Variants in DMD observed in about 807,000 individuals in gnomAD.
The protein encoded by DMD is dystrophin, also known as mutant dystrophin.
In DMD, 63 loss-of-function variants were observed where a neutral mutation model predicts 330.1. That is an observed-to-expected ratio of 0.19 (90% CI 0.16 to 0.24). DMD has a LOEUF of 0.24. Among genes scored for constraint, DMD ranks in the 10% least tolerant of loss-of-function variants. The probability of loss-of-function intolerance (pLI) is 1.00; values close to 1 mark genes in which losing one functional copy is unlikely to be tolerated. For missense variants in DMD, 3,344 were observed against 2,684.1 expected, an observed-to-expected ratio of 1.25 and a Z score of -5.43; for synonymous variants, 1,223 against 959.8, an observed-to-expected ratio of 1.27 and a Z score of -5.07.
intron 47 of DMD, among the ~76,000 whole-genome samples, chrX:31,924,655 G>T (rs1318037152): frequency 9.0e-6 from 1 of 111,306 alleles, no homozygotes; most frequent in Non-Finnish European, 1.9e-5. Context: ...CCATATTAAA[G>T]GTTTGTTATA....
In DMD at chrX:33,168,397, T is replaced by G. The variant is rs56271631; in HGVS notation, c.31+42885A>C. Reference sequence around the variant, plus strand: ...GGGATTGTAGTGGGCTCAGGTGTTTTGTTGACCTTTGAATTATTAGCCATA... The same window carrying G: ...GGGATTGTAGTGGGCTCAGGTGTTTGGTTGACCTTTGAATTATTAGCCATA... On this transcript the variant is annotated intron_variant, in intron 1 of 78. Transcript: ENST00000357033. 9.0e-3 allele frequency among the ~76,000 whole-genome samples: 990 copies of G among 110,441 alleles called. 8 individuals carry two copies. Among genetic ancestry groups the G allele is most frequent in the African/African-American group, 0.031 (940 of 30,516 alleles).
At chrX:31,213,732 T>A (rs919155510) in intron 64 of DMD, among the ~76,000 whole-genome samples, 1 of 112,161 alleles carries the variant, frequency 8.9e-6, no homozygotes, top group African/African-American at 3.2e-5. Flanking sequence ...TCTTTAGCAA[T>A]TGAACCCTGT....
intron 44 of DMD, among the ~76,000 whole-genome samples, chrX:32,023,504 A>C (rs2095822915): frequency 8.9e-6 from 1 of 112,065 alleles, no homozygotes; most frequent in Non-Finnish European, 1.9e-5. Flanking sequence ...AAAACAGAAA[A>C]GCAAAAAATA....
At chrX:33,334,142 T>C (rs1232721066) in intron 1 of DMD, among the ~76,000 whole-genome samples, 1 of 111,581 alleles carries the variant, frequency 9.0e-6, no homozygotes, top group East Asian at 2.8e-4. Context: ...AGGCAGATAT[T>C]ATATATAAGT....
chrX:32,572,383 CA>C (rs969338473), intron 15 of DMD, among the ~76,000 whole-genome samples: 6 of 111,077 alleles, frequency 5.4e-5, no homozygotes, highest in Admixed American at 1.9e-4. Flanking sequence ...TACTTACAAC[CA>C]TTTTGTTTTA....
At chrX:32,987,924 A>C (rs1042341522) in intron 2 of DMD, among the ~76,000 whole-genome samples, 25 of 110,502 alleles carry the variant, frequency 2.3e-4, no homozygotes, top group Admixed American at 2.3e-3. Flanking sequence ...AATGGTAAAA[A>C]TTATAAAATG....
At chrX:33,048,694 TAAAAAAAAAAAAAAAA>T (rs748856962) in intron 1 of DMD, among the ~76,000 whole-genome samples, 1 of 35,618 alleles carries the variant, frequency 2.8e-5, no homozygotes, top group African/African-American at 1.4e-4. Flanking sequence ...ACTCCCCATC[TAAAAAAAAAAAAAAAA>T]AAAAAAAAGG....
chrX:33,295,941 G>A (rs1029463288), intron 1 of DMD, among the ~76,000 whole-genome samples: 5 of 111,501 alleles, frequency 4.5e-5, no homozygotes, highest in East Asian at 5.6e-4. Context: ...TGGGGGATGA[G>A]CTAATATGTG....
intron 2 of DMD, among the ~76,000 whole-genome samples, chrX:32,981,348 T>A (rs1459192746): frequency 4.5e-5 from 5 of 111,817 alleles, no homozygotes; most frequent in Non-Finnish European, 7.5e-5. Flanking sequence ...CATTCAATCT[T>A]TTCCAAAGCC....
rs1161436807 is a variant in DMD, at chrX:33,164,108, C to G, written c.31+47174G>C. ...CTTTGAAGTTGCAAATTGTTATAGACCAAGGCTGGTTCATGCCCATAAAGG... is the reference window on the plus strand; with the variant it reads ...CTTTGAAGTTGCAAATTGTTATAGAGCAAGGCTGGTTCATGCCCATAAAGG... On this transcript the variant is annotated intron_variant, in intron 1 of 78. Transcript: ENST00000357033. Among the ~76,000 whole-genome samples, 3 of 110,812 alleles carry G rather than the reference C, an allele frequency of 2.7e-5. No individual in the cohort carries two copies. The East Asian group carries it at 8.5e-4, about 31-fold the overall frequency.
At chrX:32,343,769 A>G (rs2097755368) in intron 39 of DMD, among the ~76,000 whole-genome samples, 1 of 112,166 alleles carries the variant, frequency 8.9e-6, no homozygotes, top group Admixed American at 9.4e-5. Context: ...AGAAATGCCT[A>G]CATAAGAGTT....
intron 44 of DMD, among the ~76,000 whole-genome samples, chrX:32,044,134 T>G (rs1384097641): frequency 9.0e-6 from 1 of 111,510 alleles, no homozygotes; most frequent in Non-Finnish European, 1.9e-5. Context: ...AATTTTGAGC[T>G]TTCAACACTA....
At chrX:32,787,078 T>G in intron 7 of DMD, among the ~76,000 whole-genome samples, 1 of 111,377 alleles carries the variant, frequency 9.0e-6, no homozygotes, top group Non-Finnish European at 1.9e-5. Flanking sequence ...AACCTAGTTA[T>G]ACTTTTGCAA....
chrX:31,923,366 GA>G (rs1402187729), intron 47 of DMD, among the ~76,000 whole-genome samples: 2 of 111,499 alleles, frequency 1.8e-5, no homozygotes, highest in African/African-American at 6.5e-5. Context: ...TTAAATAAGG[GA>G]AGGGTGGGAA....
At chrX:32,930,631 C>T (rs1204975290) in intron 2 of DMD, among the ~76,000 whole-genome samples, 7 of 110,553 alleles carry the variant, frequency 6.3e-5, no homozygotes, top group Admixed American at 2.0e-4. Flanking sequence ...CATTGTCCTT[C>T]CCAGATACTA....
chrX:32,685,201 T>C (rs754873279), intron 9 of DMD, among the ~76,000 whole-genome samples: 5 of 111,606 alleles, frequency 4.5e-5, no homozygotes, highest in Admixed American at 9.6e-5. Flanking sequence ...AAAATGACTT[T>C]AATCACCTAG....
At chrX:31,593,714 C>A (rs2076981639) in intron 55 of DMD, among the ~76,000 whole-genome samples, 1 of 110,010 alleles carries the variant, frequency 9.1e-6, no homozygotes, top group Admixed American at 9.7e-5. Context: ...GCCCTCAAAC[C>A]AAGCATGTAA....
At chrX:32,324,660 G>T (rs1297539508) in intron 41 of DMD, among the ~76,000 whole-genome samples, 1 of 111,269 alleles carries the variant, frequency 9.0e-6, no homozygotes, top group Admixed American at 9.6e-5. Flanking sequence ...AAAATTACTA[G>T]AAATAAAAGG....
At chrX:31,146,819 C>A (rs2036758468) in intron 75 of DMD, among the ~76,000 whole-genome samples, 1 of 111,674 alleles carries the variant, frequency 9.0e-6, no homozygotes, top group East Asian at 2.8e-4. Flanking sequence ...CCCAGAAAGC[C>A]AGAACTATGT....
Sources: allele counts gnomAD v4.1 joint callset (sites outside exome capture counted in the v4.1 genomes callset), GRCh38; gene constraint gnomAD v4.1.1; transcripts MANE v1.5; gene names NCBI Gene and HGNC (gene_info 2026-07-23, HGNC 2026-07-21).